Variants in ABCC8 observed in about 807,000 individuals in gnomAD.
The protein encoded by ABCC8 is ATP binding cassette subfamily C member 8.
A neutral mutation model predicts 188.0 loss-of-function variants in ABCC8; 137 were observed. The ratio of observed to expected loss-of-function variants is 0.73; its 90% confidence interval spans 0.63 to 0.84. The LOEUF (loss-of-function observed/expected upper bound fraction) is 0.84, where lower values mean the gene tolerates loss of function less well. ABCC8 is among the 40% of genes least tolerant of loss of function. The pLI, the probability that ABCC8 is intolerant of heterozygous loss-of-function variation, is 0.00. For missense variants in ABCC8, 1,750 were observed against 2,072.7 expected, an observed-to-expected ratio of 0.84 and a Z score of 3.02; for synonymous variants, 797 against 846.5, an observed-to-expected ratio of 0.94 and a Z score of 1.01.
chr11:17,476,773 G>A lies in ABCC8; in HGVS notation c.4C>T (p.Pro2Ser), dbSNP rs756552692. 2.6e-6 allele frequency: 4 copies of A among 1,562,802 alleles called. No individual in the cohort carries two copies. In the South Asian group the frequency reaches 3.5e-5, roughly 14 times the overall value. Residue 2 changes from proline to serine, a missense_variant, in exon 1 of 39, where the codon CCC becomes TCC. Coordinates refer to ENST00000389817, the MANE Select transcript of ABCC8 (RefSeq NM_000352.6). M[P>S]LAFCGSENHS... ...TTCTCGCTGCCGCAGAAGGCCAGGGGCATGGCGGCGCGGGCGCGGGCTGGG... is the reference window on the plus strand; with the variant it reads ...TTCTCGCTGCCGCAGAAGGCCAGGGACATGGCGGCGCGGGCGCGGGCTGGG...
intron 27 of ABCC8, 37 bp downstream of exon 27, chr11:17,405,457 T>C (rs1954469406): frequency 6.2e-7 from 1 of 1,613,964 alleles, no homozygotes; most frequent in Non-Finnish European, 8.5e-7. Flanking sequence ...CCGAGGTGTC[T>C]CTGGAAGGGG....
intron 29 of ABCC8, 57 bp from the exon 30 acceptor site, chr11:17,398,498 G>A: frequency 1.2e-6 from 2 of 1,606,686 alleles, no homozygotes; most frequent in Non-Finnish European, 1.7e-6. Context: ...TAGCTCCTAG[G>A]AGTCTCCCTA....
At chr11:17,393,918 A>G (rs1266907773) in intron 37 of ABCC8, 159 bp from the exon 38 acceptor site, 1 of 914,346 alleles carries the variant, frequency 1.1e-6, no homozygotes, top group Admixed American at 6.2e-5. Context: ...CCCGGCACTC[A>G]GGGACTGGAC....
chr11:17,441,655 G>A (rs937540429), intron 10 of ABCC8, among the ~76,000 whole-genome samples: 3 of 152,214 alleles, frequency 2.0e-5, no homozygotes, highest in Admixed American at 6.5e-5. Flanking sequence ...ATGGGTCCAC[G>A]GAGCCACGAG....
rs781205365 is a variant in ABCC8, at chr11:17,407,343, A to G, written c.2920+11T>C. Reference sequence around the variant, plus strand: ...AGGCCATAATTTCACTCCCAGTCCCATTGCCTGTACCTTCCTCCTCTTCCT... The same window carrying G: ...AGGCCATAATTTCACTCCCAGTCCCGTTGCCTGTACCTTCCTCCTCTTCCT... On this transcript the variant is annotated intron_variant, in intron 24 of 38. Coordinates refer to ENST00000389817, the MANE Select transcript of ABCC8 (RefSeq NM_000352.6). 1.9e-6 allele frequency: 3 copies of G among 1,614,048 alleles called. No homozygotes were observed. Among genetic ancestry groups the G allele is most frequent in the East Asian group, 4.5e-5 (2 of 44,874 alleles).
chr11:17,402,895 G>T (rs981400224), intron 28 of ABCC8, 142 bp from the exon 29 acceptor site: 3 of 981,268 alleles, frequency 3.1e-6, no homozygotes, highest in Non-Finnish European at 4.7e-6. Flanking sequence ...CGTGAAGGGG[G>T]AAGACAATGC....
At chr11:17,430,758 T>C (rs1032103038) in intron 12 of ABCC8, 56 bp downstream of exon 12, 49 of 1,581,734 alleles carry the variant, frequency 3.1e-5, no homozygotes, top group Non-Finnish European at 4.1e-5. Context: ...CGAGCAAGCC[T>C]TGAGGCTGAC....
chr11:17,443,667 C>G (rs889986249), intron 8 of ABCC8, among the ~76,000 whole-genome samples: 5 of 152,154 alleles, frequency 3.3e-5, no homozygotes, highest in Non-Finnish European at 7.3e-5. Context: ...TTTGCTGGCT[C>G]TCAGGGCTTA....
intron 6 of ABCC8, among the ~76,000 whole-genome samples, chr11:17,455,660 A>G (rs1956965157): frequency 6.6e-6 from 1 of 152,144 alleles, no homozygotes; most frequent in Non-Finnish European, 1.5e-5. Context: ...GTACCTGACT[A>G]GGCGTGGTGG....
At chr11:17,420,771 G>A (rs990827008) in intron 16 of ABCC8, among the ~76,000 whole-genome samples, 4 of 152,180 alleles carry the variant, frequency 2.6e-5, no homozygotes, top group African/African-American at 9.6e-5. Context: ...GGCATTTAAA[G>A]TCACTCTACT....
rs1176679806 is a variant in ABCC8 at position 17,474,943 on chromosome 11, G to A, written c.233C>T (p.Thr78Ile). The A allele has an allele frequency of 1.2e-6, 2 of 1,614,090 alleles. No individual in the cohort carries two copies. The highest frequency in any genetic ancestry group is 3.3e-5 in the Admixed American group (2 of 59,992). ...FPGHNLRWIL[T>I]FMLLFVLVCE... The stretch of plus-strand genomic sequence containing the variant: ...CACCAGGACGAAGAGCAGCATGAAG[G>A]TCAGGATCCACCGCAGGTTGTGCCC... The change falls in exon 2 of 39, where the codon ACC becomes ATC. Residue 78 changes from threonine to isoleucine, a missense_variant. Transcript: ENST00000389817.
At chr11:17,421,308 T>C (rs1955331765) in intron 16 of ABCC8, among the ~76,000 whole-genome samples, 1 of 152,202 alleles carries the variant, frequency 6.6e-6, no homozygotes, top group Admixed American at 6.5e-5. Context: ...GCACTAACGG[T>C]ATTTGCTCAT....
At chr11:17,463,194 C>T (rs967804265) in intron 4 of ABCC8, among the ~76,000 whole-genome samples, 1 of 152,178 alleles carries the variant, frequency 6.6e-6, no homozygotes, top group Admixed American at 6.5e-5. Flanking sequence ...CATCCGCCAA[C>T]CTCAGCGAAC....
At chr11:17,445,074 C>T (rs1380272185) in intron 8 of ABCC8, among the ~76,000 whole-genome samples, 2 of 152,208 alleles carry the variant, frequency 1.3e-5, no homozygotes, top group African/African-American at 2.4e-5. Flanking sequence ...GGTGCTGCCA[C>T]TGGTTCACTG....
intron 6 of ABCC8, among the ~76,000 whole-genome samples, chr11:17,459,397 A>G (rs1957105384): frequency 6.6e-6 from 1 of 152,208 alleles, no homozygotes; most frequent in Non-Finnish European, 1.5e-5. Flanking sequence ...GCAGTGTTCA[A>G]TGAAAGTTTG....
chr11:17,415,858 C>T (rs772510449), intron 17 of ABCC8, among the ~76,000 whole-genome samples: 35 of 152,168 alleles, frequency 2.3e-4, no homozygotes, highest in Non-Finnish European at 4.7e-4. Flanking sequence ...GATCTGCAGC[C>T]CCATATGGCC....
At chr11:17,415,788 C>T (rs1955043763) in intron 17 of ABCC8, among the ~76,000 whole-genome samples, 1 of 152,166 alleles carries the variant, frequency 6.6e-6, no homozygotes, top group Non-Finnish European at 1.5e-5. Flanking sequence ...AGGCTGACAC[C>T]AGCACCTGCA....
chr11:17,395,055 C>G, intron 36 of ABCC8, 117 bp downstream of exon 36: 1 of 1,335,528 alleles, frequency 7.5e-7, no homozygotes, highest in Non-Finnish European at 1.0e-6. Context: ...ACTAAATGGT[C>G]CTGCCAGGCT....
intron 10 of ABCC8, among the ~76,000 whole-genome samples, chr11:17,440,589 C>G (rs112668716): frequency 6.6e-6 from 1 of 152,350 alleles, no homozygotes; most frequent in Non-Finnish European, 1.5e-5. Context: ...ATCCAGGAAA[C>G]AGTGGTTGCC....
Sources: allele counts gnomAD v4.1 joint callset (sites outside exome capture counted in the v4.1 genomes callset), GRCh38; gene constraint gnomAD v4.1.1; transcripts MANE v1.5; gene names NCBI Gene and HGNC (gene_info 2026-07-23, HGNC 2026-07-21).